The following INTS1 variants were observed in gnomAD, a reference collection of about 807,000 sequenced individuals.
The protein encoded by INTS1 is integrator complex subunit 1.
In INTS1, 137 loss-of-function variants were observed where a neutral mutation model predicts 241.6. That is an observed-to-expected ratio of 0.57 (90% CI 0.49 to 0.65). The LOEUF is 0.65. Ranked by LOEUF, INTS1 falls within the 30% of genes least tolerant of loss-of-function variation. INTS1 has a pLI of 0.00. For missense variants in INTS1, 3,073 were observed against 3,032.2 expected, an observed-to-expected ratio of 1.01 and a Z score of -0.32; for synonymous variants, 1,692 against 1,337.8, an observed-to-expected ratio of 1.26 and a Z score of -5.78.
Position 1,496,267 on chromosome 7 carries a change from G to A in INTS1, c.1603-3C>T, listed in dbSNP as rs1355988953. The A allele has an allele frequency of 1.9e-6, 3 of 1,613,122 alleles. No homozygotes were observed. The highest frequency in any genetic ancestry group is 2.5e-6 in the Non-Finnish European group (3 of 1,179,456). ...GTGATGTGCACCACGAAGCGCTCCTGCAGGTGCAGCACGGGGTCTGTATCC... is the reference window on the plus strand; with the variant it reads ...GTGATGTGCACCACGAAGCGCTCCTACAGGTGCAGCACGGGGTCTGTATCC... On this transcript the variant is annotated splice_region_variant and splice_polypyrimidine_tract_variant and intron_variant, in intron 11 of 47. Coordinates refer to ENST00000404767, the MANE Select transcript of INTS1 (RefSeq NM_001080453.3).
rs1220766467 is a variant in INTS1 at position 1,476,303 on chromosome 7, G to A, written c.5304C>T (p.Cys1768=). ...TGACACTCTCATCGTCCCCACAGCA[G>A]CAGCTGAGCAGCAGGGGCAGCCGGG... ...IQARLPLLLS[C]CCGDDESVRK... The change falls in exon 38 of 48, where the codon TGC becomes TGT. Residue 1768 remains cysteine (C), a synonymous_variant. Transcript: ENST00000404767. The A allele has an allele frequency of 6.3e-7, 1 of 1,587,512 alleles. No homozygotes were observed. The highest frequency in any genetic ancestry group is 1.2e-5 in the South Asian group (1 of 86,880).
In INTS1 at chr7:1,477,817, T is replaced by C; in HGVS notation, c.4750A>G (p.Ser1584Gly). The C allele has an allele frequency of 6.2e-7, 1 of 1,612,496 alleles. No homozygotes were observed. Among genetic ancestry groups the C allele is most frequent in the Admixed American group, 1.7e-5 (1 of 60,004 alleles). The change falls in exon 34 of 48, where the codon AGC becomes GGC. Residue 1584 changes from serine (S) to glycine (G), a missense_variant. Transcript: ENST00000404767. ...FPACKPVVVV[S>G]SLLLQEEEPL... ...TCCTCCTCCTGCAGCAGCAGGGAGC[T>C]CACCACCACAACGGGCTTACAGGCT...
chr7:1,477,871 C>A lies in INTS1; in HGVS notation c.4696G>T (p.Ala1566Ser), dbSNP rs766988986. Reference sequence around the variant, plus strand: ...AACGGGGAGGCAGCATCCGCAGTGGCAGAGAAGAATGCAGTCAGCAGCTCC... The same window carrying A: ...AACGGGGAGGCAGCATCCGCAGTGGAAGAGAAGAATGCAGTCAGCAGCTCC... ...LEELLTAFFS[A>S]TADAASPFPA... Residue 1566 changes from alanine to serine, a missense_variant, in exon 34 of 48, where the codon GCC becomes TCC. Coordinates refer to ENST00000404767, the MANE Select transcript of INTS1 (RefSeq NM_001080453.3). 1.9e-6 allele frequency: 3 copies of A among 1,612,514 alleles called. No individual in the cohort carries two copies. Among genetic ancestry groups the A allele is most frequent in the African/African-American group, 2.7e-5 (2 of 74,942 alleles).
In INTS1 at chr7:1,481,550, AC is replaced by A; in HGVS notation, c.3704-63del. 1 of 1,517,894 alleles carries A rather than the reference AC, an allele frequency of 6.6e-7. No homozygotes were observed. Among genetic ancestry groups the A allele is most frequent in the Non-Finnish European group, 8.8e-7 (1 of 1,131,320 alleles). The allele number at this position is 1,517,894 out of a possible 1,614,324, so 94.0% of individuals were successfully genotyped here. ...CCGGGCAATGCGCACTCGGGACCCC[AC>A]CCGAGACCTGGGGCTGCCTGTGTGC... On this transcript the variant is annotated intron_variant, in intron 27 of 47. Coordinates refer to ENST00000404767, the MANE Select transcript of INTS1 (RefSeq NM_001080453.3). This position sits in a 1 kb window ranked among gnomAD's most constrained non-coding sequence, Gnocchi z 6.8.
rs992251504 is a variant in INTS1, at chr7:1,471,304, T to C, written c.6256-80A>G. 4 of 1,422,270 alleles carry C rather than the reference T, an allele frequency of 2.8e-6. No homozygotes were observed. The African/African-American group carries it at 5.7e-5, about 20-fold the overall frequency. The allele number at this position is 1,422,270 out of a possible 1,614,324, so 88.1% of individuals were successfully genotyped here. On this transcript the variant is annotated intron_variant, in intron 45 of 47. Transcript: ENST00000404767. ...GCCCCTTCACCTCTTGGTCTCGTGA[T>C]GGTTGGCGGCAACGGCAGGGACCCT...
rs1015159931 is a variant in INTS1, at chr7:1,481,435, T to G, written c.3757A>C (p.Ile1253Leu). 9 of 1,612,346 alleles carry G rather than the reference T, an allele frequency of 5.6e-6. No individual in the cohort carries two copies. The Admixed American group carries it at 1.5e-4, about 27-fold the overall frequency. The change falls in exon 28 of 48, where the codon ATC becomes CTC. Residue 1253 changes from isoleucine (I) to leucine (L), a missense_variant. Ile to Leu is a conservative substitution (Grantham distance 5). Transcript: ENST00000404767. The surrounding 1 kb of genome is among the most constrained non-coding windows in gnomAD (Gnocchi z 6.8). Reference sequence around the variant, plus strand: ...AGTTTGCTCATGCTGGACACGGGGATGCCAAACGACTGCACGAACAGCAGC... The same window carrying G: ...AGTTTGCTCATGCTGGACACGGGGAGGCCAAACGACTGCACGAACAGCAGC... ...QLLLFVQSFG[I>L]PVSSMSKLLQ... is the part of the protein sequence containing the mutation.
In INTS1 at chr7:1,476,420, G is replaced by A. The variant is rs777432127; in HGVS notation, c.5187C>T (p.Gly1729=). ...RREELVLRVQ[G]PELISLVELI... is the part of the protein sequence containing the mutation. ...GCTCCACCAGGCTGATGAGCTCCGG[G>A]CCCTGGACCCGCAGCACCAGCTCCT... is the stretch of plus-strand genomic sequence containing the variant. Residue 1729 remains glycine, a synonymous_variant, in exon 38 of 48, where the codon GGC becomes GGT. Transcript: ENST00000404767. 44 of 1,570,982 alleles carry A rather than the reference G, an allele frequency of 2.8e-5. No individual in the cohort carries two copies. The highest frequency in any genetic ancestry group is 3.5e-5 in the Non-Finnish European group (41 of 1,164,030).
intron 14 of INTS1, among the ~76,000 whole-genome samples, 154 bp from the exon 15 acceptor site, chr7:1,494,065 T>C (rs1306557918): frequency 6.6e-6 from 1 of 152,102 alleles, no homozygotes; most frequent in Non-Finnish European, 1.5e-5. Flanking sequence ...AACCTGAGCC[T>C]CCCTTTGCAG....
chr7:1,479,759 C>A, intron 30 of INTS1, 75 bp from the exon 31 acceptor site: 1 of 1,391,156 alleles, frequency 7.2e-7, no homozygotes, highest in Non-Finnish European at 9.4e-7. Flanking sequence ...GCTAAGCGCC[C>A]GGTGCAGCTC....
At position 1,496,108 on chromosome 7, in the gene INTS1, G is replaced by A. The variant is rs760056275; in HGVS notation, c.1711+48C>T. 2.0e-6 allele frequency: 3 copies of A among 1,481,644 alleles called. No individual in the cohort carries two copies. The South Asian group carries it at 3.4e-5, about 17-fold the overall frequency. 91.8% of individuals were successfully genotyped at this position (1,481,644 alleles called of 1,614,324 possible). On this transcript the variant is annotated intron_variant, in intron 12 of 47. Coordinates refer to ENST00000404767, the MANE Select transcript of INTS1 (RefSeq NM_001080453.3). Reference sequence around the variant, plus strand: ...CGGAGAGCCGCCAGCCACCAGCCTGGACCCGAGACCCCCACCAAGCAGGGC... The same window carrying A: ...CGGAGAGCCGCCAGCCACCAGCCTGAACCCGAGACCCCCACCAAGCAGGGC...
intron 24 of INTS1, among the ~76,000 whole-genome samples, chr7:1,484,451 C>T (rs754420377): frequency 2.6e-5 from 4 of 152,232 alleles, no homozygotes; most frequent in African/African-American, 7.2e-5. Context: ...GTTCACCTAT[C>T]GCTCATTCCC....
chr7:1,478,013 G>C, intron 33 of INTS1, 77 bp from the exon 34 acceptor site: 3 of 1,225,210 alleles, frequency 2.4e-6, no homozygotes, highest in South Asian at 2.6e-5. Flanking sequence ...GGCTAGCCAG[G>C]GTGGGGTGTG....
At chr7:1,499,660 G>A (rs754383944) in intron 5 of INTS1, 28 bp from the exon 6 acceptor site, 32 of 1,572,046 alleles carry the variant, frequency 2.0e-5, no homozygotes, top group Middle Eastern at 1.7e-4. Context: ...CCTCAGCCCC[G>A]AGCCCAGCCG....
At position 1,498,565 on chromosome 7, in the gene INTS1, G is replaced by T. The variant is rs759783723; in HGVS notation, c.1284-12C>A. ...CGCTCAGCAGCTCCCTGGGTGAGGT[G>T]AGGGTACAGACCCTGTCCCCGCTAC... On this transcript the variant is annotated splice_polypyrimidine_tract_variant and intron_variant, in intron 9 of 47. Transcript: ENST00000404767. 6.2e-7 allele frequency: 1 copy of T among 1,613,176 alleles called. No homozygotes were observed. The highest frequency in any genetic ancestry group is 2.2e-5 in the East Asian group (1 of 44,870).
rs1378273192 is a variant in INTS1, at chr7:1,497,261, C to T, written c.1479G>A (p.Arg493=). 1 of 1,613,542 alleles carries T rather than the reference C, an allele frequency of 6.2e-7. No homozygotes were observed. The highest frequency in any genetic ancestry group is 8.5e-7 in the Non-Finnish European group (1 of 1,179,794). Residue 493 remains arginine, a synonymous_variant, in exon 11 of 48, where the codon CGG becomes CGA. Transcript: ENST00000404767. This position sits in a 1 kb window ranked among gnomAD's most constrained non-coding sequence, Gnocchi z 5.3. ...DLLTNKDDYL[R]ASRALLREII... ...TCTCCCGCAGCAGGGCCCGCGAGGC[C>T]CGCAGGTAGTCGTCCTTGTTGGTCA...
chr7:1,489,607 G>A lies in INTS1; in HGVS notation c.2241C>T (p.Phe747=), dbSNP rs1388141361. 8 of 1,587,594 alleles carry A rather than the reference G, an allele frequency of 5.0e-6. No homozygotes were observed. The Admixed American group carries it at 5.2e-5, about 10-fold the overall frequency. Residue 747 remains phenylalanine, a synonymous_variant, in exon 17 of 48, where the codon TTC becomes TTT. Transcript: ENST00000404767. ...GAGGCTCACCGATGTTCTCTGGGTT[G>A]AATGCGGCGACGACCAGCAGGAGGG... is the stretch of plus-strand genomic sequence containing the variant. The part of the protein sequence containing the change: ...AWPLLLVVAA[F]NPENIGLAAW...
In INTS1 at chr7:1,479,589, G is replaced by A. The variant is rs773827493; in HGVS notation, c.4170C>T (p.Arg1390=). ...GCACCTCGGGGCTGCCCTGGACGAC[G>A]CGGGCCAGCTCCTGGCCCAGGGCCT... ...LQQALGQELA[R]VVQGSPEVPG... The change falls in exon 31 of 48, where the codon CGC becomes CGT. Residue 1390 remains arginine (R), a synonymous_variant. Coordinates refer to ENST00000404767, the MANE Select transcript of INTS1 (RefSeq NM_001080453.3). The A allele has an allele frequency of 1.9e-5, 29 of 1,540,416 alleles. No homozygotes were observed. Among genetic ancestry groups the A allele is most frequent in the Middle Eastern group, 3.5e-4 (2 of 5,720 alleles).
chr7:1,473,028 C>A, intron 43 of INTS1, 44 bp downstream of exon 43: 1 of 1,363,414 alleles, frequency 7.3e-7, no homozygotes, highest in South Asian at 1.3e-5. Context: ...CCCTGTAGGA[C>A]TGTTCCGCAG....
intron 2 of INTS1, 147 bp downstream of exon 2, chr7:1,503,756 G>A (rs542456485): frequency 1.6e-6 from 1 of 623,846 alleles, no homozygotes; most frequent in Non-Finnish European, 2.8e-6. Flanking sequence ...TGAGGACCGA[G>A]AGCAGTGTTT....
Sources: allele counts gnomAD v4.1 joint callset (sites outside exome capture counted in the v4.1 genomes callset), GRCh38; gene constraint gnomAD v4.1.1; non-coding constraint Gnocchi (gnomAD v3.1); transcripts MANE v1.5; gene names NCBI Gene and HGNC (gene_info 2026-07-23, HGNC 2026-07-21).